CNTN4: variants seen among roughly 807,000 people sequenced by gnomAD.
CNTN4 encodes the protein contactin 4, also known as contactin-4.
In CNTN4, 77 loss-of-function variants were observed where a neutral mutation model predicts 122.5. That is an observed-to-expected ratio of 0.63 (90% CI 0.52 to 0.76). The LOEUF is 0.76. Ranked by LOEUF, CNTN4 falls within the 30% of genes least tolerant of loss-of-function variation. The pLI is 0.00. For synonymous variants in CNTN4, 512 were observed against 447.0 expected, an observed-to-expected ratio of 1.15 and a Z score of -1.83; for missense variants, 1,256 against 1,259.1, an observed-to-expected ratio of 1.00 and a Z score of 0.04.
At chr3:2,496,997 C>T (rs1406276357) in intron 3 of CNTN4, among the ~76,000 whole-genome samples, 2 of 152,158 alleles carry the variant, frequency 1.3e-5, no homozygotes, top group African/African-American at 4.8e-5. Context: ...TGCCCTTCTT[C>T]AGCCTTTTTG....
chr3:3,054,039 G>C (rs915505619), intron 24 of CNTN4, 64 bp downstream of exon 24: 2 of 1,543,770 alleles, frequency 1.3e-6, no homozygotes, highest in African/African-American at 2.7e-5. Flanking sequence ...TTCCAGATGA[G>C]TCAGGGCTTG....
chr3:3,020,714 CTT>C (rs1698217167), intron 14 of CNTN4, among the ~76,000 whole-genome samples: 2 of 152,206 alleles, frequency 1.3e-5, no homozygotes, highest in African/African-American at 2.4e-5. Context: ...TGTAGTTACT[CTT>C]TGCTTTCTAC....
In CNTN4 at chr3:2,840,454, A is replaced by G. The variant is rs184157371; in HGVS notation, c.454+20873A>G. Among the ~76,000 whole-genome samples the G allele has an allele frequency of 5.3e-5, 8 of 150,744 alleles. No homozygotes were observed. The East Asian group carries it at 7.9e-4, about 15-fold the overall frequency. ...GGTGGCTCACGCCTGTCATCCCAGCACTTTGGGAGGCCGAGGCGGGCGGAT... is the reference window on the plus strand; with the variant it reads ...GGTGGCTCACGCCTGTCATCCCAGCGCTTTGGGAGGCCGAGGCGGGCGGAT... On this transcript the variant is annotated intron_variant, in intron 7 of 24. Transcript: ENST00000418658.
chr3:2,587,282 A>G (rs2080245353), intron 4 of CNTN4, among the ~76,000 whole-genome samples: 1 of 152,226 alleles, frequency 6.6e-6, no homozygotes, highest in Non-Finnish European at 1.5e-5. Flanking sequence ...TTTTCTGAGC[A>G]AAAGAGTAAA....
intron 6 of CNTN4, among the ~76,000 whole-genome samples, chr3:2,774,469 G>C (rs962609595): frequency 1.3e-5 from 2 of 151,822 alleles, no homozygotes; most frequent in African/African-American, 4.8e-5. Flanking sequence ...TTCTTTCCTT[G>C]TGTGCATCAA....
chr3:2,920,319 A>ATTGGCCGGGCGCGGTGGCTCCCGCC (rs1385845976), intron 12 of CNTN4, among the ~76,000 whole-genome samples: 1 of 150,742 alleles, frequency 6.6e-6, no homozygotes, highest in African/African-American at 2.4e-5. Context: ...AGGAGGCTGG[A>ATTGGCCGGGCGCGGTGGCTCCCGCC]TATGACTGTG....
intron 4 of CNTN4, among the ~76,000 whole-genome samples, chr3:2,669,688 G>A (rs191540487): frequency 6.6e-6 from 1 of 152,084 alleles, no homozygotes; most frequent in Non-Finnish European, 1.5e-5. Context: ...TGATGTTAGG[G>A]TGTCAATTTT....
chr3:3,043,194 G>A, intron 22 of CNTN4, 31 bp downstream of exon 22: 1 of 1,608,838 alleles, frequency 6.2e-7, no homozygotes, highest in South Asian at 1.1e-5. Flanking sequence ...AAATATTTTG[G>A]GGATTCATCA....
intron 2 of CNTN4, among the ~76,000 whole-genome samples, chr3:2,201,382 A>C (rs1399440453): frequency 6.6e-6 from 1 of 152,206 alleles, no homozygotes; most frequent in Non-Finnish European, 1.5e-5. Context: ...CAGTCATTTG[A>C]AGTAATCAAT....
At chr3:2,210,094 T>C (rs1393458098) in intron 2 of CNTN4, among the ~76,000 whole-genome samples, 1 of 152,196 alleles carries the variant, frequency 6.6e-6, no homozygotes, top group Non-Finnish European at 1.5e-5. Context: ...TGTATGTCCC[T>C]GTATCTATTT....
intron 12 of CNTN4, among the ~76,000 whole-genome samples, chr3:2,910,624 A>G (rs1318604572): frequency 6.6e-6 from 1 of 152,164 alleles, no homozygotes; most frequent in African/African-American, 2.4e-5. Flanking sequence ...GTTTGAATTG[A>G]GTCATATTGT....
chr3:2,539,304 G>A (rs956207238), intron 3 of CNTN4, among the ~76,000 whole-genome samples: 2 of 151,998 alleles, frequency 1.3e-5, no homozygotes, highest in African/African-American at 2.4e-5. Context: ...TGAATATATT[G>A]TGTCCTTTAT....
chr3:2,315,025 G>C (rs1192810924), intron 2 of CNTN4, among the ~76,000 whole-genome samples: 2 of 151,944 alleles, frequency 1.3e-5, no homozygotes, highest in Non-Finnish European at 2.9e-5. Flanking sequence ...TATTTCCTAA[G>C]AGTTTTTAAT....
At chr3:2,462,276 G>A (rs1034643026) in intron 3 of CNTN4, among the ~76,000 whole-genome samples, 1 of 152,104 alleles carries the variant, frequency 6.6e-6, no homozygotes, top group African/African-American at 2.4e-5. Flanking sequence ...ATTCTGGGCT[G>A]GAATGTTACT....
intron 6 of CNTN4, among the ~76,000 whole-genome samples, chr3:2,785,138 C>CAT (rs1553639244): frequency 0.5 from 67,590 of 134,816 alleles, 16,377 homozygotes; most frequent in Middle Eastern, 0.62. Context: ...CACACACACA[C>CAT]ATATATATAG....
At chr3:2,122,409 C>G (rs1179543960) in intron 2 of CNTN4, among the ~76,000 whole-genome samples, 1 of 152,018 alleles carries the variant, frequency 6.6e-6, no homozygotes, top group African/African-American at 2.4e-5. Context: ...GAATATTTTT[C>G]TTCACTTAAA....
intron 12 of CNTN4, among the ~76,000 whole-genome samples, chr3:2,920,696 C>T (rs920549038): frequency 1.3e-5 from 2 of 151,970 alleles, no homozygotes; most frequent in Non-Finnish European, 2.9e-5. Flanking sequence ...GGAGAGGGGA[C>T]GTATGAAGTT....
At chr3:2,978,005 G>A (rs912363280) in intron 13 of CNTN4, among the ~76,000 whole-genome samples, 8 of 152,068 alleles carry the variant, frequency 5.3e-5, no homozygotes, top group Non-Finnish European at 7.4e-5. Flanking sequence ...AAAACAAAAG[G>A]GCCAACAGCC....
intron 6 of CNTN4, among the ~76,000 whole-genome samples, chr3:2,767,695 G>C (rs1253849557): frequency 6.6e-6 from 1 of 152,140 alleles, no homozygotes; most frequent in Non-Finnish European, 1.5e-5. Context: ...AGTGAATTCT[G>C]ATCCCCTTTC....
Sources: gnomAD v4.1 joint callset for allele counts (sites outside exome capture counted in the v4.1 genomes callset) on GRCh38, gnomAD v4.1.1 for gene constraint, MANE v1.5 for transcripts, NCBI Gene and HGNC (gene_info 2026-07-23, HGNC 2026-07-21) for gene names.